TMEM51: variants seen among roughly 807,000 people sequenced by gnomAD.
The protein encoded by TMEM51 is transmembrane protein 51.
Under a neutral mutation model 13.6 loss-of-function variants are expected in TMEM51, and 8 were observed. The ratio of observed to expected loss-of-function variants is 0.59; its 90% CI spans 0.35 to 1.07. The LOEUF (loss-of-function observed/expected upper bound fraction) is 1.07, where lower values mean the gene tolerates loss of function less well. Among genes scored for constraint, TMEM51 ranks in the 50% least tolerant of loss-of-function variants. The pLI, the probability that TMEM51 is intolerant of heterozygous loss-of-function variation, is 0.02. For missense variants in TMEM51, 279 were observed against 330.7 expected, an observed-to-expected ratio of 0.84 and a Z score of 1.21; for synonymous variants, 147 against 144.4, an observed-to-expected ratio of 1.02 and a Z score of -0.13.
Position 15,161,280 on chromosome 1 carries a change from G to T in TMEM51, c.-267+7326G>T, listed in dbSNP as rs886653867. On this transcript the variant is annotated intron_variant, in intron 1 of 3. Coordinates refer to ENST00000376008, the MANE Select transcript of TMEM51 (RefSeq NM_001136218.2). This position sits in a 1 kb window ranked among gnomAD's most constrained non-coding sequence, Gnocchi z 4.0. ...CCAGCACTTTGGGAGGCCAAAGCAGGTGGATTGCTTGAGGTCAGGAGTTCA... is the reference window on the plus strand; with the variant it reads ...CCAGCACTTTGGGAGGCCAAAGCAGTTGGATTGCTTGAGGTCAGGAGTTCA... 2.6e-5 allele frequency among the ~76,000 whole-genome samples: 4 copies of T among 151,994 alleles called. No individual in the cohort carries two copies. The highest frequency in any genetic ancestry group is 4.4e-5 in the Non-Finnish European group (3 of 68,044).
chr1:15,198,057 C>T (rs1012749204), intron 1 of TMEM51, among the ~76,000 whole-genome samples: 1 of 152,116 alleles, frequency 6.6e-6, no homozygotes, highest in African/African-American at 2.4e-5. Context: ...AAGGCAGCAC[C>T]GTGATCCTCA....
intron 1 of TMEM51, among the ~76,000 whole-genome samples, chr1:15,176,135 GTGTT>G (rs1643449901): frequency 6.6e-6 from 1 of 152,188 alleles, no homozygotes. Flanking sequence ...GTTCACTTCT[GTGTT>G]TGTAGTGCCC....
intron 1 of TMEM51, among the ~76,000 whole-genome samples, chr1:15,163,124 G>T (rs957628197): frequency 3.9e-5 from 6 of 152,008 alleles, no homozygotes; most frequent in Admixed American, 3.9e-4. Context: ...TACAGACCAG[G>T]TGTTCTTCCA....
At chr1:15,209,693 C>A (rs1573445864) in intron 1 of TMEM51, among the ~76,000 whole-genome samples, 1 of 151,998 alleles carries the variant, frequency 6.6e-6, no homozygotes, top group African/African-American at 2.4e-5. Context: ...TGAACCAAAC[C>A]CTGCATTCTT....
intron 2 of TMEM51, 41 bp from the exon 3 acceptor site, chr1:15,214,854 G>A (rs1197520190): frequency 3.7e-6 from 2 of 536,654 alleles, no homozygotes; most frequent in Admixed American, 3.4e-5. Flanking sequence ...GTCTGGAATC[G>A]GAACTGATCG....
Position 15,207,432 on chromosome 1 carries a change from C to T in TMEM51, c.-266-3058C>T, listed in dbSNP as rs1644270167. Among the ~76,000 whole-genome samples the T allele has an allele frequency of 6.6e-6, 1 of 152,246 alleles. No individual in the cohort carries two copies. Among genetic ancestry groups the T allele is most frequent in the Admixed American group, 6.5e-5 (1 of 15,290 alleles). On this transcript the variant is annotated intron_variant, in intron 1 of 3. Coordinates refer to ENST00000376008, the MANE Select transcript of TMEM51 (RefSeq NM_001136218.2). This position sits in a 1 kb window ranked among gnomAD's most constrained non-coding sequence, Gnocchi z 4.6. ...GCCATCAATGCTTGGGCCCTTTACCCCGTTTCAGCCGGGGCAGCGCTGCTT... is the reference window on the plus strand; with the variant it reads ...GCCATCAATGCTTGGGCCCTTTACCTCGTTTCAGCCGGGGCAGCGCTGCTT...
chr1:15,216,830 A>G (rs74520992), intron 3 of TMEM51, among the ~76,000 whole-genome samples: 2,354 of 152,318 alleles, frequency 0.015, 70 homozygotes, highest in African/African-American at 0.054. Context: ...AAAGGGGGAT[A>G]TAATACAGCA....
chr1:15,208,031 C>G (rs1644280039), intron 1 of TMEM51, among the ~76,000 whole-genome samples: 1 of 152,194 alleles, frequency 6.6e-6, no homozygotes, highest in Non-Finnish European at 1.5e-5. Context: ...TACTAAGTAC[C>G]TGTTAAGTTC....
At chr1:15,203,451 C>T (rs1644194883) in intron 1 of TMEM51, among the ~76,000 whole-genome samples, 2 of 151,006 alleles carry the variant, frequency 1.3e-5, no homozygotes, top group South Asian at 4.2e-4. Flanking sequence ...TCAGTAGAGA[C>T]AGAGTTTCAC....
intron 1 of TMEM51, among the ~76,000 whole-genome samples, chr1:15,175,230 T>C (rs1405141196): frequency 1.3e-5 from 2 of 151,988 alleles, no homozygotes; most frequent in Admixed American, 6.6e-5. Flanking sequence ...CAAAACCCCA[T>C]CTCTACTAAA....
At chr1:15,204,901 G>T (rs1248938035) in intron 1 of TMEM51, among the ~76,000 whole-genome samples, 1 of 152,076 alleles carries the variant, frequency 6.6e-6, no homozygotes, top group African/African-American at 2.4e-5. Context: ...AGGGTCGGGG[G>T]GCTGCTGCTG....
At chr1:15,156,870 C>T (rs865880957) in intron 1 of TMEM51, among the ~76,000 whole-genome samples, 3 of 152,164 alleles carry the variant, frequency 2.0e-5, no homozygotes, top group Middle Eastern at 3.2e-3. Flanking sequence ...TGGCCACATT[C>T]GGGACCAAGA....
chr1:15,217,972 C>T (rs1352678269), intron 3 of TMEM51, among the ~76,000 whole-genome samples: 3 of 152,222 alleles, frequency 2.0e-5, no homozygotes, highest in African/African-American at 7.2e-5. Context: ...ATCAATCACT[C>T]ATCATTCCCC....
chr1:15,194,263 C>T (rs1010601108), intron 1 of TMEM51, among the ~76,000 whole-genome samples: 2 of 152,258 alleles, frequency 1.3e-5, no homozygotes, highest in Admixed American at 6.5e-5. Context: ...ATATTTAGCT[C>T]GACATGTTCA....
In TMEM51 at chr1:15,219,692, G is replaced by T. The variant is rs765815480; in HGVS notation, c.711G>T (p.Pro237=). The T allele has an allele frequency of 6.2e-7, 1 of 1,613,790 alleles. No homozygotes were observed. The highest frequency in any genetic ancestry group is 8.5e-7 in the Non-Finnish European group (1 of 1,180,020). Residue 237 remains proline (P), a synonymous_variant, in exon 4 of 4, where the codon CCG becomes CCT. Transcript: ENST00000376008. Reference sequence around the variant, plus strand: ...CGATAGAGCCTTTGACTCCTCCACCGCAGTATGATGAAGTCCAGGAGAAGG... The same window carrying T: ...CGATAGAGCCTTTGACTCCTCCACCTCAGTATGATGAAGTCCAGGAGAAGG... ...PPSIEPLTPP[P]QYDEVQEKAP...
chr1:15,203,676 A>G (rs1282420675), intron 1 of TMEM51, among the ~76,000 whole-genome samples: 1 of 152,034 alleles, frequency 6.6e-6, no homozygotes, highest in Non-Finnish European at 1.5e-5. Flanking sequence ...GTCTGTTTTG[A>G]TTGTTTCTAT....
Position 15,161,974 on chromosome 1 carries a change from C to T in TMEM51, c.-267+8020C>T, listed in dbSNP as rs2100814366. ...TATTTAGCCCATGGCATCTCAGATGCATCAGCATCTGCTTCTAGTGAGGGC... is the reference window on the plus strand; with the variant it reads ...TATTTAGCCCATGGCATCTCAGATGTATCAGCATCTGCTTCTAGTGAGGGC... On this transcript the variant is annotated intron_variant, in intron 1 of 3. Coordinates refer to ENST00000376008, the MANE Select transcript of TMEM51 (RefSeq NM_001136218.2). The surrounding 1 kb of genome is among the most constrained non-coding windows in gnomAD (Gnocchi z 4.0). Among the ~76,000 whole-genome samples, 1 of 152,054 alleles carries T rather than the reference C, an allele frequency of 6.6e-6. No individual in the cohort carries two copies. Among genetic ancestry groups the T allele is most frequent in the Non-Finnish European group, 1.5e-5 (1 of 68,014 alleles).
intron 1 of TMEM51, among the ~76,000 whole-genome samples, chr1:15,204,275 T>A (rs1389405537): frequency 2.0e-5 from 3 of 152,170 alleles, no homozygotes; most frequent in Non-Finnish European, 4.4e-5. Flanking sequence ...CCACCTAGGC[T>A]GGGTGAGGTG....
In TMEM51 at chr1:15,219,312, G is replaced by A. The variant is rs746446918; in HGVS notation, c.345-14G>A. The stretch of plus-strand genomic sequence containing the variant: ...ACAGGCTAACACTCTCCCTGTCTGT[G>A]TGTCTTCTTGCAGCCAGGAGGAAGA... On this transcript the variant is annotated splice_polypyrimidine_tract_variant and intron_variant, in intron 3 of 3. Transcript: ENST00000376008. The A allele has an allele frequency of 7.0e-6, 11 of 1,563,630 alleles. No individual in the cohort carries two copies. The highest frequency in any genetic ancestry group is 6.9e-6 in the Non-Finnish European group (8 of 1,153,540).
Sources: gnomAD v4.1 joint callset for allele counts (sites outside exome capture counted in the v4.1 genomes callset) on GRCh38, gnomAD v4.1.1 for gene constraint, Gnocchi (gnomAD v3.1) non-coding constraint, MANE v1.5 for transcripts, NCBI Gene and HGNC (gene_info 2026-07-23, HGNC 2026-07-21) for gene names.